Variants in NECAB1 observed in about 807,000 individuals in gnomAD.
The protein encoded by NECAB1 is N-terminal EF-hand calcium binding protein 1, also known as N-terminal EF-hand calcium-binding protein 1.
A neutral mutation model predicts 57.5 loss-of-function variants in NECAB1; 29 were observed. That is an observed-to-expected ratio of 0.50 (90% CI 0.38 to 0.69). The LOEUF (loss-of-function observed/expected upper bound fraction) is 0.69, where lower values mean the gene tolerates loss of function less well. Among genes scored for constraint, NECAB1 ranks in the 30% least tolerant of loss-of-function variants. The pLI, the probability that NECAB1 is intolerant of heterozygous loss-of-function variation, is 0.00. For synonymous variants in NECAB1, 142 were observed against 147.7 expected, an observed-to-expected ratio of 0.96 and a Z score of 0.28; for missense variants, 372 against 413.8, an observed-to-expected ratio of 0.90 and a Z score of 0.88.
intron 2 of NECAB1, among the ~76,000 whole-genome samples, chr8:90,821,132 C>G (rs1443771384): frequency 6.6e-6 from 1 of 151,808 alleles, no homozygotes; most frequent in African/African-American, 2.4e-5. Context: ...CCCCATCGCC[C>G]ATTGACTTTT....
chr8:90,808,576 C>T (rs1467364428), intron 2 of NECAB1, among the ~76,000 whole-genome samples: 2 of 151,646 alleles, frequency 1.3e-5, no homozygotes, highest in Non-Finnish European at 2.9e-5. Flanking sequence ...GTGCCTGGCC[C>T]TTAGGAAGTT....
chr8:90,853,975 T>C (rs1812740743), intron 3 of NECAB1, among the ~76,000 whole-genome samples: 1 of 152,054 alleles, frequency 6.6e-6, no homozygotes, highest in Admixed American at 6.5e-5. Flanking sequence ...AAGCAGATCG[T>C]TGGTTAGGCA....
intron 9 of NECAB1, among the ~76,000 whole-genome samples, chr8:90,939,775 C>A (rs1047898205): frequency 6.6e-6 from 1 of 152,164 alleles, no homozygotes; most frequent in Admixed American, 6.5e-5. Context: ...GAATACCTAA[C>A]CTCTAAAATA....
intron 10 of NECAB1, among the ~76,000 whole-genome samples, chr8:90,943,207 C>CAAAT (rs1387945749): frequency 1.7e-4 from 26 of 152,174 alleles, no homozygotes; most frequent in Non-Finnish European, 3.1e-4. Flanking sequence ...ATTCCATTCT[C>CAAAT]TCAATAACCA....
rs553002366 is a variant in NECAB1 at position 90,791,781 on chromosome 8, G to A, written c.-106G>A. 2.6e-5 allele frequency: 22 copies of A among 861,852 alleles called. No homozygotes were observed. In the East Asian group the frequency reaches 5.4e-4, roughly 21 times the overall value. 53.4% of individuals were successfully genotyped at this position (861,852 alleles called of 1,614,324 possible). The stretch of plus-strand genomic sequence containing the variant: ...GCGCGCGGGAGCGAACACCCTCCCG[G>A]ATCCAGAGCCCGGCGGCGGCGAAGC... On this transcript the variant is annotated 5_prime_UTR_variant, in exon 1 of 13. Coordinates refer to ENST00000417640, the MANE Select transcript of NECAB1 (RefSeq NM_022351.5).
At chr8:90,851,473 A>G (rs1312498442) in intron 3 of NECAB1, among the ~76,000 whole-genome samples, 1 of 152,166 alleles carries the variant, frequency 6.6e-6, no homozygotes, top group Non-Finnish European at 1.5e-5. Flanking sequence ...AAGGATCATA[A>G]TTGAATTGTA....
intron 1 of NECAB1, among the ~76,000 whole-genome samples, chr8:90,798,018 G>C (rs780328592): frequency 9.9e-5 from 15 of 152,174 alleles, no homozygotes; most frequent in Middle Eastern, 6.3e-3. Context: ...CAAGCTGCTA[G>C]CAGGATGATG....
chr8:90,813,962 ATTAT>A (rs1239245407), intron 2 of NECAB1, among the ~76,000 whole-genome samples: 1 of 152,212 alleles, frequency 6.6e-6, no homozygotes, highest in Non-Finnish European at 1.5e-5. Context: ...ATGTTGATAA[ATTAT>A]TTGTCTACTA....
intron 2 of NECAB1, among the ~76,000 whole-genome samples, chr8:90,819,111 C>G (rs1812104056): frequency 1.3e-5 from 2 of 151,952 alleles, no homozygotes; most frequent in South Asian, 4.1e-4. Flanking sequence ...AGGTATTCTT[C>G]ATTTCTGTAA....
intron 3 of NECAB1, among the ~76,000 whole-genome samples, chr8:90,853,949 G>T (rs1359695366): frequency 6.6e-6 from 1 of 152,056 alleles, no homozygotes; most frequent in African/African-American, 2.4e-5. Context: ...GTAAGGAAAA[G>T]GAATTGGTTA....
In NECAB1 at chr8:90,940,828, G is replaced by T; in HGVS notation, c.790G>T (p.Asp264Tyr). ...VQRQMSVIEE[D>Y]LEEFQLALKH... is the part of the protein sequence containing the mutation. ...GCGGCAGATGTCTGTGATAGAAGAG[G>T]ACCTGGAAGAATTCCAGCTCGCTCT... The change falls in exon 10 of 13, where the codon GAC (aspartate) becomes TAC (tyrosine). Residue 264 changes from aspartate to tyrosine, a missense_variant. Coordinates refer to ENST00000417640, the MANE Select transcript of NECAB1 (RefSeq NM_022351.5). The T allele has an allele frequency of 6.4e-7, 1 of 1,564,476 alleles. No homozygotes were observed. The highest frequency in any genetic ancestry group is 1.4e-5 in the African/African-American group (1 of 73,736).
chr8:90,911,795 T>A (rs377461412), intron 5 of NECAB1, among the ~76,000 whole-genome samples: 4 of 152,170 alleles, frequency 2.6e-5, no homozygotes, highest in African/African-American at 9.7e-5. Flanking sequence ...TTTGAGCCAA[T>A]GATCTGTCCA....
At chr8:90,910,421 A>C (rs1427310172) in intron 5 of NECAB1, among the ~76,000 whole-genome samples, 1 of 152,078 alleles carries the variant, frequency 6.6e-6, no homozygotes, top group Non-Finnish European at 1.5e-5. Flanking sequence ...TTTTCAAAGG[A>C]AGTTGTGTTC....
At chr8:90,949,146 TTG>T (rs59311652) in intron 10 of NECAB1, among the ~76,000 whole-genome samples, 27,998 of 129,448 alleles carry the variant, frequency 0.22, 1,864 homozygotes, top group South Asian at 0.24. Flanking sequence ...AACAGGCACT[TTG>T]TGTGTGTGTG....
intron 5 of NECAB1, among the ~76,000 whole-genome samples, chr8:90,891,735 G>T (rs906748307): frequency 2.7e-5 from 4 of 150,670 alleles, no homozygotes; most frequent in African/African-American, 2.4e-5. Flanking sequence ...CTCCTGTTGC[G>T]CAGGCTAGAG....
At chr8:90,907,755 GA>G (rs1484983730) in intron 5 of NECAB1, among the ~76,000 whole-genome samples, 3 of 151,566 alleles carry the variant, frequency 2.0e-5, no homozygotes, top group South Asian at 2.1e-4. Context: ...AATCCCACTG[GA>G]AAAAAAAGTC....
chr8:90,833,013 G>A (rs369343627), intron 3 of NECAB1, among the ~76,000 whole-genome samples: 1 of 152,102 alleles, frequency 6.6e-6, no homozygotes. Flanking sequence ...TACTATAGAG[G>A]TAATTGCTTT....
intron 3 of NECAB1, among the ~76,000 whole-genome samples, chr8:90,843,454 A>G (rs2129750416): frequency 6.6e-6 from 1 of 152,324 alleles, no homozygotes; most frequent in South Asian, 2.1e-4. Context: ...TTAAGTTCTG[A>G]AGCAACTATG....
At chr8:90,888,054 C>T (rs1373145409) in intron 5 of NECAB1, among the ~76,000 whole-genome samples, 1 of 152,022 alleles carries the variant, frequency 6.6e-6, no homozygotes, top group Non-Finnish European at 1.5e-5. Context: ...ACCAATCCTT[C>T]CTCCCCATCC....
Sources: allele counts gnomAD v4.1 joint callset (sites outside exome capture counted in the v4.1 genomes callset), GRCh38; gene constraint gnomAD v4.1.1; transcripts MANE v1.5; gene names NCBI Gene and HGNC (gene_info 2026-07-23, HGNC 2026-07-21).